The following GALNTL6 variants were observed in gnomAD, a reference collection of about 807,000 sequenced individuals.
The protein encoded by GALNTL6 is polypeptide N-acetylgalactosaminyltransferase-like 6.
In GALNTL6, 46 loss-of-function variants were observed where a neutral mutation model predicts 73.7. The observed-to-expected ratio is 0.62, with a 90% CI of 0.49 to 0.80. GALNTL6 has a LOEUF of 0.80. Ranked by LOEUF, GALNTL6 falls within the 30% of genes least tolerant of loss-of-function variation. The probability of loss-of-function intolerance (pLI) is 0.00; values close to 1 mark genes in which losing one functional copy is unlikely to be tolerated. For synonymous variants in GALNTL6, 259 were observed against 263.7 expected, an observed-to-expected ratio of 0.98 and a Z score of 0.17; for missense variants, 604 against 755.0, an observed-to-expected ratio of 0.80 and a Z score of 2.34.
chr4:172,014,057 T>A (rs1430220586), intron 2 of GALNTL6, among the ~76,000 whole-genome samples: 1 of 152,122 alleles, frequency 6.6e-6, no homozygotes, highest in Admixed American at 6.6e-5. Context: ...GATTTCATTC[T>A]TTTTTATGGC....
chr4:172,911,352 AT>A (rs1667465315), intron 8 of GALNTL6, among the ~76,000 whole-genome samples: 1 of 152,208 alleles, frequency 6.6e-6, no homozygotes, highest in South Asian at 2.1e-4. Context: ...ATTCTAAAAT[AT>A]TTTATATACC....
intron 7 of GALNTL6, among the ~76,000 whole-genome samples, chr4:172,881,533 A>G (rs1745449734): frequency 6.6e-6 from 1 of 152,156 alleles, no homozygotes; most frequent in African/African-American, 2.4e-5. Context: ...TATATAATAC[A>G]CTTAGACAGA....
rs187366129 is a variant in GALNTL6 at position 172,094,125 on chromosome 4, A to C, written c.139-135531A>C. Among the ~76,000 whole-genome samples, 5 of 152,298 alleles carry C rather than the reference A, an allele frequency of 3.3e-5. No individual in the cohort carries two copies. The East Asian group carries it at 9.7e-4, about 29-fold the overall frequency. On this transcript the variant is annotated intron_variant, in intron 2 of 12. Coordinates refer to ENST00000506823, the MANE Select transcript of GALNTL6 (RefSeq NM_001034845.3). Reference sequence around the variant, plus strand: ...ATTTCTAGTAAAACTGAGGAAGCAAATAATTCTAATTTTTAGACTTTATGT... The same window carrying C: ...ATTTCTAGTAAAACTGAGGAAGCAACTAATTCTAATTTTTAGACTTTATGT...
intron 10 of GALNTL6, among the ~76,000 whole-genome samples, chr4:172,966,399 C>CTTT (rs561306473): frequency 0.018 from 2,609 of 143,272 alleles, 75 homozygotes; most frequent in African/African-American, 0.061. Flanking sequence ...GGGAGTCGAT[C>CTTT]TTTTTTTTTT....
intron 3 of GALNTL6, among the ~76,000 whole-genome samples, chr4:172,294,495 G>A (rs1272030238): frequency 2.6e-5 from 4 of 152,136 alleles, no homozygotes; most frequent in Non-Finnish European, 4.4e-5. Flanking sequence ...ACAAGGGTGG[G>A]GGCAGGGGTA....
At chr4:172,834,382 G>A (rs1056893441) in intron 7 of GALNTL6, among the ~76,000 whole-genome samples, 5 of 152,202 alleles carry the variant, frequency 3.3e-5, no homozygotes, top group East Asian at 1.9e-4. Flanking sequence ...TATGGATGGC[G>A]TTGCCCATTA....
At chr4:172,663,599 G>T (rs1731496403) in intron 5 of GALNTL6, among the ~76,000 whole-genome samples, 2 of 152,164 alleles carry the variant, frequency 1.3e-5, no homozygotes, top group Non-Finnish European at 2.9e-5. Context: ...ATCAGGTTTG[G>T]ATGTGATTTC....
intron 5 of GALNTL6, among the ~76,000 whole-genome samples, chr4:172,566,960 A>C (rs1262593979): frequency 6.6e-6 from 1 of 151,874 alleles, no homozygotes; most frequent in African/African-American, 2.4e-5. Context: ...AAAAAGATTC[A>C]TTTTCAATAA....
At chr4:172,435,290 T>A (rs1303919819) in intron 5 of GALNTL6, among the ~76,000 whole-genome samples, 6 of 152,148 alleles carry the variant, frequency 3.9e-5, no homozygotes, top group African/African-American at 1.4e-4. Flanking sequence ...GGCTTGGGTG[T>A]CTGCTGTTGC....
At chr4:172,722,784 A>C (rs966488492) in intron 5 of GALNTL6, among the ~76,000 whole-genome samples, 1 of 152,208 alleles carries the variant, frequency 6.6e-6, no homozygotes, top group African/African-American at 2.4e-5. Context: ...GTGAATGAAT[A>C]CAAACTTTTC....
intron 2 of GALNTL6, among the ~76,000 whole-genome samples, chr4:172,026,343 A>G (rs913660728): frequency 6.6e-6 from 1 of 152,072 alleles, no homozygotes; most frequent in African/African-American, 2.4e-5. Context: ...CTTTGATGTC[A>G]TCAATAATGT....
chr4:172,062,040 C>T (rs568660678), intron 2 of GALNTL6, among the ~76,000 whole-genome samples: 2 of 151,604 alleles, frequency 1.3e-5, no homozygotes, highest in South Asian at 4.2e-4. Flanking sequence ...CTTCTGCCCC[C>T]CCAGGTTCAA....
At chr4:172,177,841 A>ATATATACACACACATATATGTG (rs1560955731) in intron 2 of GALNTL6, among the ~76,000 whole-genome samples, 9 of 30,642 alleles carry the variant, frequency 2.9e-4, no homozygotes, top group South Asian at 1.5e-3. Flanking sequence ...ACACATATAT[A>ATATATACACACACATATATGTG]TGTGTATATA....
chr4:172,015,057 T>C (rs777734346), intron 2 of GALNTL6, among the ~76,000 whole-genome samples: 2 of 152,086 alleles, frequency 1.3e-5, no homozygotes, highest in African/African-American at 2.4e-5. Context: ...CTGTAAATAT[T>C]TGTTAAGTCC....
chr4:172,641,473 C>T (rs143405125), intron 5 of GALNTL6, among the ~76,000 whole-genome samples: 82 of 152,184 alleles, frequency 5.4e-4, no homozygotes, highest in African/African-American at 1.8e-3. Context: ...TCCTAAAACA[C>T]ACCAGTCATG....
At chr4:172,895,465 C>CTGCTAAGAA (rs551897511) in intron 8 of GALNTL6, among the ~76,000 whole-genome samples, 70 of 151,106 alleles carry the variant, frequency 4.6e-4, no homozygotes, top group Non-Finnish European at 8.8e-4. Context: ...TGTAAGGTTT[C>CTGCTAAGAA]TGCTAAGAAG....
chr4:172,792,405 A>C (rs1740046891), intron 5 of GALNTL6, among the ~76,000 whole-genome samples: 1 of 152,122 alleles, frequency 6.6e-6, no homozygotes, highest in African/African-American at 2.4e-5. Context: ...TATAAGCCAA[A>C]AGTATTCATT....
intron 2 of GALNTL6, among the ~76,000 whole-genome samples, chr4:171,919,800 T>A (rs1192460135): frequency 1.3e-5 from 2 of 152,154 alleles, no homozygotes; most frequent in Non-Finnish European, 2.9e-5. Flanking sequence ...GCTCTCCTGT[T>A]TCCCTCTGGG....
At chr4:172,868,038 G>A (rs1285856566) in intron 7 of GALNTL6, among the ~76,000 whole-genome samples, 1 of 152,216 alleles carries the variant, frequency 6.6e-6, no homozygotes, top group African/African-American at 2.4e-5. Context: ...GAGGCCAGAA[G>A]AGGATCCTTT....
Sources: allele counts gnomAD v4.1 joint callset (sites outside exome capture counted in the v4.1 genomes callset), GRCh38; gene constraint gnomAD v4.1.1; transcripts MANE v1.5; gene names NCBI Gene and HGNC (gene_info 2026-07-23, HGNC 2026-07-21).